The following LVRN variants were observed in gnomAD, a reference collection of about 807,000 sequenced individuals.
LVRN encodes the protein aminopeptidase Q.
In LVRN, 99 loss-of-function variants were observed where a neutral mutation model predicts 111.4. The observed-to-expected ratio is 0.89, with a 90% CI of 0.76 to 1.05. LVRN has a LOEUF of 1.05. Among genes scored for constraint, LVRN ranks in the 50% least tolerant of loss-of-function variants. LVRN has a pLI of 0.00. For missense variants in LVRN, 1,414 were observed against 1,206.8 expected (o/e 1.17, Z -2.54); for synonymous variants, 488 against 449.5 (o/e 1.09, Z -1.08).
At chr5:115,968,994 C>T (rs1753262775) in intron 1 of LVRN, among the ~76,000 whole-genome samples, 1 of 152,132 alleles carries the variant, frequency 6.6e-6, no homozygotes, top group Non-Finnish European at 1.5e-5. Context: ...GGCCCCCATC[C>T]CCAATGGAAA....
At chr5:116,001,307 C>A in intron 10 of LVRN, 68 bp downstream of exon 10, 1 of 1,551,568 alleles carries the variant, frequency 6.4e-7, no homozygotes, top group African/African-American at 1.4e-5. Context: ...TGGAATCCAG[C>A]CTGTGGGTGA....
chr5:115,977,068 G>A (rs1200602100), intron 1 of LVRN, among the ~76,000 whole-genome samples: 2 of 152,170 alleles, frequency 1.3e-5, no homozygotes, highest in Admixed American at 6.5e-5. Context: ...TGAACTCTGG[G>A]AAGTGTTCAG....
intron 13 of LVRN, among the ~76,000 whole-genome samples, chr5:116,009,469 A>G (rs959525144): frequency 3.9e-5 from 6 of 152,208 alleles, no homozygotes; most frequent in Non-Finnish European, 8.8e-5. Flanking sequence ...TATAGCTTCC[A>G]TAGATAATGA....
intron 10 of LVRN, 94 bp downstream of exon 10, chr5:116,001,333 G>C: frequency 7.2e-7 from 1 of 1,382,480 alleles, no homozygotes. Flanking sequence ...CGTTACCCCC[G>C]CTGGGCATAC....
chr5:115,988,014 A>G (rs1446254131), intron 4 of LVRN, 75 bp downstream of exon 4: 1 of 1,529,412 alleles, frequency 6.5e-7, no homozygotes, highest in Non-Finnish European at 8.8e-7. Flanking sequence ...CAAGATACAC[A>G]GACAAACCCA....
chr5:115,963,438 A>G, intron 1 of LVRN, 126 bp downstream of exon 1: 1 of 634,696 alleles, frequency 1.6e-6, no homozygotes. Context: ...TCCCCTTGCG[A>G]CGTTTTCTTT....
At chr5:115,995,464 T>G (rs1282687390) in intron 6 of LVRN, 2 of 152,374 alleles carry the variant, frequency 1.3e-5, no homozygotes, top group Non-Finnish European at 2.9e-5. Context: ...TTCCTCCCCA[T>G]GGACTATACA....
At position 115,993,320 on chromosome 5, in the gene LVRN, A is replaced by G. The variant is rs184377531; in HGVS notation, c.1261-421A>G. Among the ~76,000 whole-genome samples, 148 of 152,282 alleles carry G rather than the reference A, an allele frequency of 9.7e-4. 2 individuals are homozygous for G. Among genetic ancestry groups the G allele is most frequent in the Middle Eastern group, 3.4e-3 (1 of 294 alleles). On this transcript the variant is annotated intron_variant, in intron 5 of 19. Coordinates refer to ENST00000357872, the MANE Select transcript of LVRN (RefSeq NM_173800.5). ...GATCAAATTATTTTCTTAAAATATA[A>G]ACAACTGCTTAAAGTAAAATCCAGT...
In LVRN at chr5:116,015,213, A is replaced by G. The variant is rs1279133040; in HGVS notation, c.2451-39A>G. 5 of 1,467,832 alleles carry G rather than the reference A, an allele frequency of 3.4e-6. No individual in the cohort carries two copies. In the African/African-American group the frequency reaches 5.8e-5, roughly 17 times the overall value. 90.9% of individuals were successfully genotyped at this position (1,467,832 alleles called of 1,614,324 possible). ...AAATATGATAACCTGGGTAAACATAACTACTATGAAAAATATCATTTTATG... is the reference window on the plus strand; with the variant it reads ...AAATATGATAACCTGGGTAAACATAGCTACTATGAAAAATATCATTTTATG... On this transcript the variant is annotated intron_variant, in intron 16 of 19. Transcript: ENST00000357872.
At chr5:115,963,888 G>T (rs1311965780) in intron 1 of LVRN, among the ~76,000 whole-genome samples, 1 of 152,060 alleles carries the variant, frequency 6.6e-6, no homozygotes, top group Non-Finnish European at 1.5e-5. Context: ...GAAGCTTATC[G>T]TTCTCTTCAG....
At chr5:115,987,075 A>G (rs1166979483) in intron 3 of LVRN, among the ~76,000 whole-genome samples, 2 of 152,090 alleles carry the variant, frequency 1.3e-5, no homozygotes, top group Admixed American at 1.3e-4. Context: ...ATTTATAGTA[A>G]TAATTAATGT....
intron 15 of LVRN, among the ~76,000 whole-genome samples, chr5:116,012,826 A>G (rs963676925): frequency 3.9e-5 from 6 of 152,336 alleles, no homozygotes; most frequent in Admixed American, 3.9e-4. Context: ...GCCACAGGGG[A>G]AAAGGTCCCA....
intron 6 of LVRN, among the ~76,000 whole-genome samples, chr5:115,999,044 A>C (rs532837168): frequency 5.8e-4 from 88 of 152,254 alleles, no homozygotes; most frequent in African/African-American, 1.9e-3. Flanking sequence ...TGAGGGGTTC[A>C]CCTGGCTCTC....
intron 1 of LVRN, among the ~76,000 whole-genome samples, chr5:115,967,105 C>T (rs1265117508): frequency 6.6e-6 from 1 of 152,124 alleles, no homozygotes. Context: ...TTTTCATCAT[C>T]TTAGTAAGGT....
chr5:115,997,831 C>A (rs1748150213), intron 6 of LVRN, among the ~76,000 whole-genome samples: 1 of 152,032 alleles, frequency 6.6e-6, no homozygotes, highest in African/African-American at 2.4e-5. Flanking sequence ...TGCAATAGAA[C>A]TGAAACAGGC....
chr5:115,988,517 C>T (rs1747918026), intron 4 of LVRN, among the ~76,000 whole-genome samples: 2 of 152,266 alleles, frequency 1.3e-5, no homozygotes, highest in East Asian at 3.9e-4. Context: ...GTATGAGCCA[C>T]TCAGCTCAGA....
chr5:115,972,470 C>T (rs76384200), intron 1 of LVRN, among the ~76,000 whole-genome samples: 3 of 151,070 alleles, frequency 2.0e-5, no homozygotes, highest in Non-Finnish European at 4.4e-5. Flanking sequence ...CATTTAGCAT[C>T]TTTTTATTTA....
In LVRN at chr5:116,014,442, G is replaced by T. The variant is rs781359173; in HGVS notation, c.2365G>T (p.Val789Leu). 5 of 1,611,408 alleles carry T rather than the reference G, an allele frequency of 3.1e-6. No homozygotes were observed. The African/African-American group carries it at 5.3e-5, about 17-fold the overall frequency. Residue 789 changes from valine to leucine, a missense_variant, in exon 16 of 20, where the codon GTA becomes TTA. Physicochemically the swap from Val to Leu is conservative, Grantham distance 32 (BLOSUM62 1). Coordinates refer to ENST00000357872, the MANE Select transcript of LVRN (RefSeq NM_173800.5). ...LALISLEKLF[V>L]TACWLGLEDC... is the part of the protein sequence containing the mutation. ...AAGAATATCACTGGAAAAACTTTTT[G>T]TAACTGCGTGTTGGTTGGGCCTTGA...
chr5:116,015,833 T>C, intron 18 of LVRN, 68 bp downstream of exon 18: 1 of 1,573,466 alleles, frequency 6.4e-7, no homozygotes, highest in Middle Eastern at 1.7e-4. Context: ...TCAGCTTTAG[T>C]CTAGCTTGGA....
Sources: allele counts gnomAD v4.1 joint callset (sites outside exome capture counted in the v4.1 genomes callset), GRCh38; gene constraint gnomAD v4.1.1; transcripts MANE v1.5; gene names NCBI Gene and HGNC (gene_info 2026-07-23, HGNC 2026-07-21).